Variants in ERC1 observed in about 807,000 individuals in gnomAD.
ERC1 encodes the protein ELKS/RAB6-interacting/CAST family member 1.
A neutral mutation model predicts 132.0 loss-of-function variants in ERC1; 56 were observed. That is an observed-to-expected ratio of 0.42 (90% CI 0.34 to 0.53). ERC1 has a LOEUF of 0.53. ERC1 is among the 20% of genes least tolerant of loss of function. The pLI is 0.03. For synonymous variants in ERC1, 478 were observed against 476.1 expected (o/e 1.00, Z -0.05); for missense variants, 1,202 against 1,349.9 (o/e 0.89, Z 1.72).
In ERC1 at chr12:1,413,269, A is replaced by G. The variant is rs940969939; in HGVS notation, c.3024+5022A>G. 2.0e-5 allele frequency among the ~76,000 whole-genome samples: 3 copies of G among 152,074 alleles called. No homozygotes were observed. In the East Asian group the frequency reaches 5.8e-4, roughly 29 times the overall value. On this transcript the variant is annotated intron_variant, in intron 17 of 18. Coordinates refer to ENST00000360905, the MANE Select transcript of ERC1 (RefSeq NM_178040.4). ...GCCTCCACTCATAAAAAAAAATAAC[A>G]GTTCCTTCACTCTCCTCTTGGCCTA...
chr12:1,063,050 CT>C (rs1183415329), intron 2 of ERC1, among the ~76,000 whole-genome samples: 2 of 152,012 alleles, frequency 1.3e-5, no homozygotes, highest in East Asian at 3.9e-4. Context: ...TGTGGAGTAT[CT>C]TTTTCCATTC....
At chr12:1,375,405 C>T (rs146150909) in intron 16 of ERC1, among the ~76,000 whole-genome samples, 4,697 of 152,292 alleles carry the variant, frequency 0.031, 82 homozygotes, top group Middle Eastern at 0.071. Flanking sequence ...TCCCCTGACA[C>T]ATGGGGATTA....
At chr12:1,147,685 T>C (rs970196309) in intron 8 of ERC1, among the ~76,000 whole-genome samples, 1 of 152,192 alleles carries the variant, frequency 6.6e-6, no homozygotes, top group African/African-American at 2.4e-5. Context: ...ATTAGTAAAA[T>C]ACGAATTTTT....
chr12:1,264,378 C>T (rs1247317485), intron 14 of ERC1, among the ~76,000 whole-genome samples: 1 of 151,886 alleles, frequency 6.6e-6, no homozygotes, highest in Non-Finnish European at 1.5e-5. Flanking sequence ...GATTTCAAAC[C>T]TAGGCCGAGC....
chr12:1,190,285 T>C (rs1017226968), intron 12 of ERC1: 1 of 636,876 alleles, frequency 1.6e-6, no homozygotes, highest in Non-Finnish European at 2.9e-6. Context: ...ACATAATTGA[T>C]TGGCAAAAAA....
intron 15 of ERC1, among the ~76,000 whole-genome samples, chr12:1,291,923 T>A (rs2079478823): frequency 6.6e-6 from 1 of 152,212 alleles, no homozygotes; most frequent in Non-Finnish European, 1.5e-5. Context: ...TTCTCTTCCT[T>A]ATGCTGTGGT....
chr12:1,103,618 C>T (rs144272763), intron 3 of ERC1, among the ~76,000 whole-genome samples: 55 of 152,266 alleles, frequency 3.6e-4, no homozygotes, highest in East Asian at 1.2e-3. Flanking sequence ...ACTGGATTTC[C>T]TGACTGCGGC....
intron 10 of ERC1, among the ~76,000 whole-genome samples, chr12:1,182,708 C>T (rs1954616135): frequency 6.6e-6 from 1 of 151,460 alleles, no homozygotes; most frequent in South Asian, 2.1e-4. Flanking sequence ...GTTGCCCAGG[C>T]TGGAGTGCAG....
At chr12:1,483,423 G>A (rs146822859) in intron 18 of ERC1, among the ~76,000 whole-genome samples, 6 of 152,060 alleles carry the variant, frequency 3.9e-5, no homozygotes, top group Admixed American at 1.3e-4. Context: ...TCAGAACTTC[G>A]TTCCTTTTTA....
intron 15 of ERC1, among the ~76,000 whole-genome samples, chr12:1,338,710 T>C (rs373105049): frequency 1.3e-5 from 2 of 152,200 alleles, no homozygotes; most frequent in East Asian, 3.8e-4. Flanking sequence ...TTGGATAGTT[T>C]TTTTTTTCTT....
chr12:1,202,322 T>C (rs1361668727), intron 12 of ERC1, among the ~76,000 whole-genome samples: 5 of 152,182 alleles, frequency 3.3e-5, no homozygotes, highest in Admixed American at 1.3e-4. Flanking sequence ...GGATTACATA[T>C]AATTCGATGT....
chr12:1,261,336 A>G (rs988758449), intron 13 of ERC1, among the ~76,000 whole-genome samples: 1 of 152,216 alleles, frequency 6.6e-6, no homozygotes, highest in Admixed American at 6.5e-5. Context: ...GAGAAACGTT[A>G]TCAACTTTAT....
chr12:1,210,870 C>T (rs909624662), intron 12 of ERC1, among the ~76,000 whole-genome samples: 2 of 151,944 alleles, frequency 1.3e-5, no homozygotes, highest in Admixed American at 6.6e-5. Context: ...TGGCATGCGC[C>T]TGTAGTCCCA....
chr12:1,193,453 C>A (rs1466086299), intron 12 of ERC1, among the ~76,000 whole-genome samples: 5 of 143,540 alleles, frequency 3.5e-5, no homozygotes, highest in Non-Finnish European at 7.6e-5. Flanking sequence ...CACACACACA[C>A]ACATAGAGAT....
chr12:1,265,364 G>A (rs2077411304), intron 14 of ERC1, among the ~76,000 whole-genome samples: 1 of 152,038 alleles, frequency 6.6e-6, no homozygotes, highest in Admixed American at 6.5e-5. Context: ...TCCTTTTTGA[G>A]GCTATTGTGT....
At chr12:1,395,601 A>C (rs2090466289) in intron 16 of ERC1, among the ~76,000 whole-genome samples, 1 of 152,182 alleles carries the variant, frequency 6.6e-6, no homozygotes. Flanking sequence ...TCTGGCAGCT[A>C]AGAAGGGATA....
rs949226520 is a variant in ERC1 at position 1,259,992 on chromosome 12, T to C, written c.2488-3042T>C. ...TTTCTCTGCTGTAGTGTGTAGTTAG[T>C]CTCTAGGTTGTGTCATGCTTGTGGT... On this transcript the variant is annotated intron_variant, in intron 13 of 18. Transcript: ENST00000360905. Among the ~76,000 whole-genome samples the C allele has an allele frequency of 2.6e-5, 4 of 152,196 alleles. No homozygotes were observed. In the East Asian group the frequency reaches 7.7e-4, roughly 29 times the overall value.
chr12:1,242,228 A>G (rs2075857384), intron 13 of ERC1, among the ~76,000 whole-genome samples: 1 of 152,106 alleles, frequency 6.6e-6, no homozygotes, highest in South Asian at 2.1e-4. Flanking sequence ...TTCTAGGTAA[A>G]TTTATCAGTT....
intron 7 of ERC1, among the ~76,000 whole-genome samples, chr12:1,134,282 T>G (rs12321620): frequency 0.24 from 35,780 of 151,966 alleles, 4,511 homozygotes; most frequent in African/African-American, 0.31. Context: ...AATACAGGTT[T>G]TTGAAATTAA....
Sources: allele counts gnomAD v4.1 joint callset (sites outside exome capture counted in the v4.1 genomes callset), GRCh38; gene constraint gnomAD v4.1.1; transcripts MANE v1.5; gene names NCBI Gene and HGNC (gene_info 2026-07-23, HGNC 2026-07-21).